Variants in SH3TC2 observed in about 807,000 individuals in gnomAD.
SH3TC2 encodes SH3 domain and tetratricopeptide repeats 2.
In SH3TC2, 87 loss-of-function variants were observed where a neutral mutation model predicts 124.5. That is an observed-to-expected ratio of 0.70 (90% CI 0.59 to 0.84). The LOEUF (loss-of-function observed/expected upper bound fraction) is 0.84. Among genes scored for constraint, SH3TC2 ranks in the 40% least tolerant of loss-of-function variants. SH3TC2 has a pLI of 0.00. For missense variants in SH3TC2, 1,536 were observed against 1,566.4 expected, an observed-to-expected ratio of 0.98 and a Z score of 0.33; for synonymous variants, 634 against 628.5, an observed-to-expected ratio of 1.01 and a Z score of -0.13.
rs1753631257 is a variant in SH3TC2 at position 149,003,560 on chromosome 5, T to G, written c.*1151A>C. 5.7e-6 allele frequency: 1 copy of G among 175,514 alleles called. No homozygotes were observed. The highest frequency in any genetic ancestry group is 1.2e-5 in the Non-Finnish European group (1 of 81,144). The allele number at this position is 175,514 out of a possible 1,614,324, so 10.9% of individuals were successfully genotyped here. A position where few individuals can be genotyped will look rare whatever the true frequency, so the allele number is the denominator to read the frequency against. ...CAGCCTGTGAACCACCCTAAGCTGG[T>G]GGGCTCAGCTAAGTCATGCTTGGAT... On this transcript the variant is annotated 3_prime_UTR_variant, in exon 17 of 17. Coordinates refer to ENST00000515425, the MANE Select transcript of SH3TC2 (RefSeq NM_024577.4).
chr5:149,025,824 G>C (rs1754053317), intron 12 of SH3TC2: 2 of 152,184 alleles, frequency 1.3e-5, no homozygotes, highest in Non-Finnish European at 2.9e-5. Context: ...GGATTTTTAA[G>C]GTAGTCCTAA....
In SH3TC2 at chr5:149,045,715, C is replaced by T. The variant is rs557918103; in HGVS notation, c.280-1077G>A. 4.1e-5 allele frequency: 7 copies of T among 170,282 alleles called. 1 individual carries two copies. In the South Asian group the frequency reaches 5.7e-4, roughly 14 times the overall value. 10.5% of individuals were successfully genotyped at this position (170,282 alleles called of 1,614,324 possible). A position where few individuals can be genotyped will look rare whatever the true frequency, so the allele number is the denominator to read the frequency against. ...GGAGTGCAGTGCAGTGGCGCAATCT[C>T]GGCTCACTGCAACCTCCGCCTCCCA... On this transcript the variant is annotated intron_variant, in intron 3 of 16. Transcript: ENST00000515425.
Position 149,027,652 on chromosome 5 carries a change from G to C in SH3TC2, c.2080C>G (p.Gln694Glu). 1 of 1,614,216 alleles carries C rather than the reference G, an allele frequency of 6.2e-7. No homozygotes were observed. Among genetic ancestry groups the C allele is most frequent in the South Asian group, 1.1e-5 (1 of 91,086 alleles). The change falls in exon 11 of 17, where the codon CAG becomes GAG. Residue 694 changes from glutamine to glutamate, a missense_variant. Transcript: ENST00000515425. ...TGGGCACTCTGGATACCATGTTGCT[G>C]GACAGAGGCCACTGCAAGGTGTGGA... ...YLPHLAVASV[Q>E]QHGIQSAQGM... is the part of the protein sequence containing the mutation.
intron 1 of SH3TC2, among the ~76,000 whole-genome samples, chr5:149,055,897 C>G (rs926687231): frequency 6.6e-6 from 1 of 152,126 alleles, no homozygotes; most frequent in Non-Finnish European, 1.5e-5. Context: ...GCCTGGACAA[C>G]ATAGCAAGAC....
chr5:149,036,326 C>T (rs550479280), intron 8 of SH3TC2, among the ~76,000 whole-genome samples: 1 of 152,220 alleles, frequency 6.6e-6, no homozygotes, highest in African/African-American at 2.4e-5. Flanking sequence ...TTTCTTTCCT[C>T]ACTTGGCCCT....
chr5:149,054,265 C>T (rs1280280458), intron 1 of SH3TC2, among the ~76,000 whole-genome samples: 1 of 152,090 alleles, frequency 6.6e-6, no homozygotes, highest in Admixed American at 6.5e-5. Context: ...GTCCATAGTA[C>T]AGCCATAGAT....
intron 3 of SH3TC2, chr5:149,047,046 G>A (rs1490332423): frequency 6.6e-6 from 1 of 152,136 alleles, no homozygotes; most frequent in Admixed American, 6.5e-5. Flanking sequence ...ATTAGTTTAT[G>A]TAAAGTAATA....
At chr5:149,007,168 T>A in intron 15 of SH3TC2, 91 bp from the exon 16 acceptor site, 1 of 1,234,296 alleles carries the variant, frequency 8.1e-7, no homozygotes, top group Non-Finnish European at 1.2e-6. Flanking sequence ...TTTGAAGGTC[T>A]ACTAGATGTC....
chr5:149,003,270 T>C lies in SH3TC2; in HGVS notation c.*1441A>G, dbSNP rs1450228642. The C allele has an allele frequency of 6.6e-6, 1 of 152,354 alleles. No homozygotes were observed. Among genetic ancestry groups the C allele is most frequent in the African/African-American group, 2.4e-5 (1 of 41,458 alleles). 9.4% of individuals were successfully genotyped at this position (152,354 alleles called of 1,614,324 possible). ...AATTGAATAGGCAAGACTAAGGAGATGTCACTTCTGTGATCAGGTTATAGA... is the reference window on the plus strand; with the variant it reads ...AATTGAATAGGCAAGACTAAGGAGACGTCACTTCTGTGATCAGGTTATAGA... On this transcript the variant is annotated 3_prime_UTR_variant, in exon 17 of 17. Transcript: ENST00000515425.
At chr5:149,017,920 A>T (rs376831602) in intron 12 of SH3TC2, among the ~76,000 whole-genome samples, 1 of 152,246 alleles carries the variant, frequency 6.6e-6, no homozygotes, top group African/African-American at 2.4e-5. Flanking sequence ...TTATTGCAAC[A>T]CAGCCACATT....
In SH3TC2 at chr5:148,983,631, T is replaced by G. The variant is rs571140744; in HGVS notation, c.*21080A>C. Among the ~76,000 whole-genome samples, 1 of 152,210 alleles carries G rather than the reference T, an allele frequency of 6.6e-6. No homozygotes were observed. The highest frequency in any genetic ancestry group is 6.5e-5 in the Admixed American group (1 of 15,272). On this transcript the variant is annotated 3_prime_UTR_variant, in exon 17 of 17. Transcript: ENST00000515425. ...AGCAATCTAGCTTCCTATTTTGGGG[T>G]TTCCTTCCCCCTACCCCGCACCCCA...
Position 149,004,650 on chromosome 5 carries a change from G to T in SH3TC2, c.*61C>A. The T allele has an allele frequency of 6.3e-7, 1 of 1,580,366 alleles. No individual in the cohort carries two copies. The highest frequency in any genetic ancestry group is 1.1e-5 in the South Asian group (1 of 87,666). ...GGACCCTCCCAATGAGTATTTAAGAGCCTAGGGCAGTGGGGTCAGAGTCTG... is the reference window on the plus strand; with the variant it reads ...GGACCCTCCCAATGAGTATTTAAGATCCTAGGGCAGTGGGGTCAGAGTCTG... On this transcript the variant is annotated 3_prime_UTR_variant, in exon 17 of 17. Coordinates refer to ENST00000515425, the MANE Select transcript of SH3TC2 (RefSeq NM_024577.4).
At chr5:149,012,769 C>A in intron 12 of SH3TC2, 35 bp from the exon 13 acceptor site, 1 of 1,613,136 alleles carries the variant, frequency 6.2e-7, no homozygotes, top group Non-Finnish European at 8.5e-7. Context: ...GGTGTGAAGG[C>A]TCAAAGGGGC....
chr5:149,028,878 T>C (rs995497883), intron 9 of SH3TC2, among the ~76,000 whole-genome samples, 160 bp from the exon 10 acceptor site: 11 of 152,150 alleles, frequency 7.2e-5, no homozygotes, highest in African/African-American at 2.7e-4. Context: ...TCACCCATCA[T>C]CTTAAGAGCT....
At chr5:149,058,090 T>C (rs1754682516) in intron 1 of SH3TC2, among the ~76,000 whole-genome samples, 2 of 152,224 alleles carry the variant, frequency 1.3e-5, no homozygotes, top group Non-Finnish European at 1.5e-5. Flanking sequence ...GATAGCTTTC[T>C]GATAACATCA....
intron 14 of SH3TC2, 51 bp from the exon 15 acceptor site, chr5:149,009,052 A>C (rs1027624282): frequency 5.6e-6 from 9 of 1,610,518 alleles, no homozygotes; most frequent in African/African-American, 1.3e-5. Flanking sequence ...TCCTCAGTGC[A>C]TACCATAGCT....
chr5:149,031,528 G>A (rs1159471536), intron 9 of SH3TC2, 26 bp downstream of exon 9: 2 of 1,613,940 alleles, frequency 1.2e-6, no homozygotes, highest in Non-Finnish European at 1.7e-6. Context: ...CCAGGCTTTT[G>A]AAGGTGTCTG....
intron 8 of SH3TC2, among the ~76,000 whole-genome samples, chr5:149,032,338 T>G (rs1010125422): frequency 6.6e-6 from 1 of 152,222 alleles, no homozygotes; most frequent in African/African-American, 2.4e-5. Context: ...TTGATACTCA[T>G]GCTGTTGTGT....
chr5:149,042,964 T>C lies in SH3TC2; in HGVS notation c.386-127A>G, dbSNP rs905940949. On this transcript the variant is annotated intron_variant, in intron 4 of 16. Coordinates refer to ENST00000515425, the MANE Select transcript of SH3TC2 (RefSeq NM_024577.4). ...CACAAGCCCCAACCTGCCATTTAAC[T>C]GGAATTAAAACAACATAAGAGGCAA... 43 of 1,105,004 alleles carry C rather than the reference T, an allele frequency of 3.9e-5. No individual in the cohort carries two copies. In the African/African-American group the frequency reaches 5.3e-4, roughly 14 times the overall value. The allele number at this position is 1,105,004 out of a possible 1,614,324, so 68.4% of individuals were successfully genotyped here. A position where few individuals can be genotyped will look rare whatever the true frequency, so the allele number is the denominator to read the frequency against.
Sources: gnomAD v4.1 joint callset for allele counts (sites outside exome capture counted in the v4.1 genomes callset) on GRCh38, gnomAD v4.1.1 for gene constraint, MANE v1.5 for transcripts, NCBI Gene and HGNC (gene_info 2026-07-23, HGNC 2026-07-21) for gene names.